Variants in TPTE observed in about 807,000 individuals in gnomAD.
The protein encoded by TPTE is transmembrane phosphatase with tensin homology, also known as putative tyrosine-protein phosphatase TPTE.
TPTE carries 59 observed loss-of-function variants against 84.1 expected under a neutral mutation model. The observed-to-expected ratio is 0.70, with a 90% CI of 0.57 to 0.87. The LOEUF (loss-of-function observed/expected upper bound fraction) is 0.87, where lower values mean the gene tolerates loss of function less well. Among genes scored for constraint, TPTE ranks in the 40% least tolerant of loss-of-function variants. TPTE has a pLI of 0.00. For synonymous variants in TPTE, 130 were observed against 223.5 expected, an observed-to-expected ratio of 0.58 and a Z score of 3.73; for missense variants, 382 against 659.6, an observed-to-expected ratio of 0.58 and a Z score of 4.61.
intron 7 of TPTE, among the ~76,000 whole-genome samples, chr21:10,550,950 A>T (rs963189363): frequency 3.3e-5 from 5 of 152,310 alleles, no homozygotes; most frequent in Non-Finnish European, 7.3e-5. Context: ...AACAAGAGGA[A>T]CATTCAAAAC....
At chr21:10,535,236 A>G (rs1319746767) in intron 3 of TPTE, among the ~76,000 whole-genome samples, 2 of 152,306 alleles carry the variant, frequency 1.3e-5, no homozygotes, top group African/African-American at 4.8e-5. Context: ...AATTGAGTTG[A>G]TGGTAGTAAC....
chr21:10,536,472 C>T lies in TPTE; in HGVS notation c.-43-2209C>T, dbSNP rs1222211821. 2.0e-5 allele frequency among the ~76,000 whole-genome samples: 3 copies of T among 152,300 alleles called. No individual in the cohort carries two copies. In the East Asian group the frequency reaches 5.8e-4, roughly 29 times the overall value. ...ACATCAATGACCTATGATAGAACCA[C>T]CAATGAAATGTGAATTATAAAATAT... On this transcript the variant is annotated intron_variant, in intron 3 of 23. Transcript: ENST00000618007.
chr21:10,605,508 G>A lies in TPTE; in HGVS notation c.1612G>A (p.Gly538Ser), dbSNP rs1979186619. ...PSDFAVEILF[G>S]EKMTSSDVVA... ...AGATTTTGCCGTGGAGATACTTTTT[G>A]GCGAGAAAATGACTTCCAGTGATGT... Residue 538 changes from glycine to serine, a missense_variant, in exon 24 of 24, where the codon GGC (glycine) becomes AGC (serine). By Grantham distance (56) the Gly-to-Ser change is moderately conservative. Around this residue, in one of 10 missense-constraint regions of TPTE, gnomAD observed 120 missense variants for 79.1 expected, o/e 1.52. Transcript: ENST00000618007. 6.2e-7 allele frequency: 1 copy of A among 1,614,226 alleles called. No homozygotes were observed. Among genetic ancestry groups the A allele is most frequent in the Non-Finnish European group, 8.5e-7 (1 of 1,180,012 alleles).
intron 13 of TPTE, 111 bp downstream of exon 13, chr21:10,569,857 A>G: frequency 6.2e-7 from 1 of 1,605,954 alleles, no homozygotes; most frequent in Middle Eastern, 1.7e-4. Flanking sequence ...TTTATTCATG[A>G]GGATATATGC....
intron 10 of TPTE, among the ~76,000 whole-genome samples, chr21:10,565,780 G>T (rs1252043507): frequency 6.6e-6 from 1 of 152,304 alleles, no homozygotes; most frequent in African/African-American, 2.4e-5. Flanking sequence ...TCAACAAATG[G>T]TTCTGGGAAA....
At chr21:10,535,336 C>T (rs549471495) in intron 3 of TPTE, among the ~76,000 whole-genome samples, 196 of 152,326 alleles carry the variant, frequency 1.3e-3, no homozygotes, top group African/African-American at 3.9e-3. Context: ...ATAACATACA[C>T]GCATGCATAC....
At chr21:10,532,081 C>A (rs2074188539) in intron 3 of TPTE, among the ~76,000 whole-genome samples, 1 of 152,302 alleles carries the variant, frequency 6.6e-6, no homozygotes, top group African/African-American at 2.4e-5. Context: ...TATATGTTGA[C>A]ATAGATTTTG....
chr21:10,581,889 C>A (rs1358922725), intron 17 of TPTE, among the ~76,000 whole-genome samples: 2 of 152,308 alleles, frequency 1.3e-5, no homozygotes, highest in East Asian at 1.9e-4. Flanking sequence ...TGAGCGTCAC[C>A]ATGCCTGGCT....
intron 10 of TPTE, among the ~76,000 whole-genome samples, chr21:10,565,026 G>A (rs566720434): frequency 2.3e-4 from 35 of 152,400 alleles, no homozygotes; most frequent in African/African-American, 7.0e-4. Flanking sequence ...GAAAGAAAGG[G>A]AATAAAAAAA....
intron 10 of TPTE, among the ~76,000 whole-genome samples, chr21:10,564,939 A>T (rs1419486721): frequency 3.9e-5 from 6 of 152,304 alleles, no homozygotes; most frequent in Admixed American, 3.3e-4. Flanking sequence ...GCGATCTAGA[A>T]CACAATGAGG....
intron 4 of TPTE, among the ~76,000 whole-genome samples, chr21:10,540,397 G>A (rs1309807634): frequency 3.9e-5 from 6 of 152,304 alleles, no homozygotes; most frequent in African/African-American, 1.4e-4. Context: ...TTGGATGGAG[G>A]TAGGAAAATG....
intron 3 of TPTE, among the ~76,000 whole-genome samples, chr21:10,530,108 C>T (rs1254142761): frequency 6.6e-6 from 1 of 152,302 alleles, no homozygotes; most frequent in Non-Finnish European, 1.5e-5. Context: ...AGTGGGACTC[C>T]CTAAAAGCTA....
chr21:10,537,822 A>G (rs1228707915), intron 3 of TPTE, among the ~76,000 whole-genome samples: 1 of 152,306 alleles, frequency 6.6e-6, no homozygotes, highest in Non-Finnish European at 1.5e-5. Context: ...CAGGTACAGC[A>G]GAGAAATATA....
chr21:10,540,685 G>A (rs1285109473), intron 4 of TPTE: 1 of 519,278 alleles, frequency 1.9e-6, no homozygotes, highest in Admixed American at 1.9e-5. Flanking sequence ...GCCCTTGCTT[G>A]AGGCCTCCAG....
intron 19 of TPTE, among the ~76,000 whole-genome samples, chr21:10,595,468 C>T (rs1313209018): frequency 2.0e-5 from 3 of 152,308 alleles, no homozygotes; most frequent in Non-Finnish European, 4.4e-5. Flanking sequence ...AATTTCAGGG[C>T]TTCCTTGGGA....
intron 17 of TPTE, among the ~76,000 whole-genome samples, chr21:10,583,938 C>A (rs548842851): frequency 6.6e-6 from 1 of 152,420 alleles, no homozygotes; most frequent in South Asian, 2.1e-4. Context: ...TCATCTTCTT[C>A]TTTTTCTTCA....
intron 3 of TPTE, among the ~76,000 whole-genome samples, chr21:10,532,617 A>G (rs1434320300): frequency 6.6e-6 from 1 of 152,308 alleles, no homozygotes; most frequent in Non-Finnish European, 1.5e-5. Context: ...TTGACTTCTT[A>G]TTAATGCTTA....
intron 17 of TPTE, among the ~76,000 whole-genome samples, chr21:10,589,198 C>A (rs1275564349): frequency 4.6e-4 from 70 of 152,134 alleles, no homozygotes; most frequent in Admixed American, 1.4e-3. Context: ...TTTTTTTCTT[C>A]TTTCCCTTTC....
chr21:10,549,105 A>G (rs1217988991), intron 7 of TPTE, among the ~76,000 whole-genome samples: 1 of 152,312 alleles, frequency 6.6e-6, no homozygotes, highest in Non-Finnish European at 1.5e-5. Flanking sequence ...TAACTTGCAA[A>G]TGTTACTAGT....
Sources: allele counts gnomAD v4.1 joint callset (sites outside exome capture counted in the v4.1 genomes callset), GRCh38; gene constraint gnomAD v4.1.1; regional missense constraint gnomAD v4.1.1; transcripts MANE v1.5; gene names NCBI Gene and HGNC (gene_info 2026-07-23, HGNC 2026-07-21).